GALNT7: variants seen among roughly 807,000 people sequenced by gnomAD.
The protein encoded by GALNT7 is N-acetylgalactosaminyltransferase 7.
A neutral mutation model predicts 82.1 loss-of-function variants in GALNT7; 60 were observed. That is an observed-to-expected ratio of 0.73 (90% CI 0.59 to 0.91). The LOEUF (loss-of-function observed/expected upper bound fraction) is 0.91. Ranked by LOEUF, GALNT7 falls within the 40% of genes least tolerant of loss-of-function variation. The pLI, the probability that GALNT7 is intolerant of heterozygous loss-of-function variation, is 0.00. For synonymous variants in GALNT7, 243 were observed against 275.1 expected, an observed-to-expected ratio of 0.88 and a Z score of 1.15; for missense variants, 660 against 804.2, an observed-to-expected ratio of 0.82 and a Z score of 2.17.
chr4:173,245,245 G>A (rs915940117), intron 1 of GALNT7, among the ~76,000 whole-genome samples: 2 of 149,278 alleles, frequency 1.3e-5, no homozygotes, highest in Non-Finnish European at 3.0e-5. Flanking sequence ...AACTTTTGGA[G>A]GAAAATAAAC....
At chr4:173,237,847 AAG>A (rs1165212139) in intron 1 of GALNT7, among the ~76,000 whole-genome samples, 1 of 152,132 alleles carries the variant, frequency 6.6e-6, no homozygotes, top group Non-Finnish European at 1.5e-5. Flanking sequence ...GCATCGAGAA[AAG>A]AGAGAGTCTT....
At chr4:173,214,438 A>G (rs866054387) in intron 1 of GALNT7, among the ~76,000 whole-genome samples, 7 of 152,148 alleles carry the variant, frequency 4.6e-5, no homozygotes, top group African/African-American at 1.2e-4. Context: ...CAGACCCCTT[A>G]TCTCTAACTA....
In GALNT7 at chr4:173,276,850, A is replaced by G. The variant is rs901380606; in HGVS notation, c.588-15258A>G. Among the ~76,000 whole-genome samples the G allele has an allele frequency of 2.0e-5, 3 of 152,148 alleles. No homozygotes were observed. In the East Asian group the frequency reaches 5.8e-4, roughly 29 times the overall value. On this transcript the variant is annotated intron_variant, in intron 2 of 11. Coordinates refer to ENST00000265000, the MANE Select transcript of GALNT7 (RefSeq NM_017423.3). The stretch of plus-strand genomic sequence containing the variant: ...TCTCATTTCAAACAGTATTTTATGT[A>G]TCAGCTTCTTGTTTGGTGAGCATGT...
Position 173,302,669 on chromosome 4 carries a change from C to A in GALNT7, c.1266+505C>A, listed in dbSNP as rs553980627. Among the ~76,000 whole-genome samples, 4 of 152,246 alleles carry A rather than the reference C, an allele frequency of 2.6e-5. No individual in the cohort carries two copies. The South Asian group carries it at 6.2e-4, about 24-fold the overall frequency. On this transcript the variant is annotated intron_variant, in intron 7 of 11. Transcript: ENST00000265000. This position sits in a 1 kb window ranked among gnomAD's most constrained non-coding sequence, Gnocchi z 4.2. The stretch of plus-strand genomic sequence containing the variant: ...AGCAATACTATCTTCCATGCTCCAG[C>A]CCCCACCTCAACCCCTATTCCTACC...
Position 173,323,770 on chromosome 4 carries a change from T to A in GALNT7, c.*2053T>A, listed in dbSNP as rs1737907490. On this transcript the variant is annotated 3_prime_UTR_variant, in exon 12 of 12. Coordinates refer to ENST00000265000, the MANE Select transcript of GALNT7 (RefSeq NM_017423.3). ...AAATAATTCCCATATCCTTGCTTTG[T>A]AAGTTGGTAATATCACTATGCATTT... The A allele has an allele frequency of 6.6e-6, 1 of 152,626 alleles. No individual in the cohort carries two copies. The highest frequency in any genetic ancestry group is 2.4e-5 in the African/African-American group (1 of 41,466). The allele number at this position is 152,626 out of a possible 1,614,324, so 9.5% of individuals were successfully genotyped here. A position where few individuals can be genotyped will look rare whatever the true frequency, so the allele number is the denominator to read the frequency against.
chr4:173,212,318 C>A (rs944695490), intron 1 of GALNT7, among the ~76,000 whole-genome samples: 1 of 152,036 alleles, frequency 6.6e-6, no homozygotes, highest in Non-Finnish European at 1.5e-5. Context: ...CTTAAGTCTA[C>A]AAAAGTCACA....
chr4:173,215,420 G>A (rs189525029), intron 1 of GALNT7, among the ~76,000 whole-genome samples: 9 of 151,978 alleles, frequency 5.9e-5, no homozygotes, highest in Admixed American at 3.9e-4. Context: ...TAGTAGAGAC[G>A]GGGGTTCACC....
At chr4:173,184,562 C>G (rs997100243) in intron 1 of GALNT7, among the ~76,000 whole-genome samples, 1 of 137,428 alleles carries the variant, frequency 7.3e-6, no homozygotes, top group East Asian at 2.5e-4. Context: ...AGTCCAGCCT[C>G]GGCTCGGCAT....
chr4:173,184,524 T>C (rs2126633622), intron 1 of GALNT7, among the ~76,000 whole-genome samples: 1 of 150,168 alleles, frequency 6.7e-6, no homozygotes, highest in East Asian at 2.0e-4. Flanking sequence ...GGCAGGGAGA[T>C]TGCAGTGGGT....
At chr4:173,311,933 G>T (rs1477234691) in intron 8 of GALNT7, among the ~76,000 whole-genome samples, 2 of 152,228 alleles carry the variant, frequency 1.3e-5, no homozygotes, top group East Asian at 1.9e-4. Context: ...TGAACACTAG[G>T]TATTTCTTTT....
At position 173,321,766 on chromosome 4, in the gene GALNT7, C is replaced by T. The variant is rs1213218702; in HGVS notation, c.*49C>T. On this transcript the variant is annotated 3_prime_UTR_variant, in exon 12 of 12. Coordinates refer to ENST00000265000, the MANE Select transcript of GALNT7 (RefSeq NM_017423.3). The stretch of plus-strand genomic sequence containing the variant: ...CTACCTACTGACAAGTAAATTTATA[C>T]AGGACTGAAAACCGCCTGAAACCTG... The T allele has an allele frequency of 6.4e-6, 9 of 1,408,374 alleles. No individual in the cohort carries two copies. The highest frequency in any genetic ancestry group is 8.0e-6 in the Non-Finnish European group (8 of 1,000,700). 87.2% of individuals were successfully genotyped at this position (1,408,374 alleles called of 1,614,324 possible).
intron 1 of GALNT7, among the ~76,000 whole-genome samples, chr4:173,195,474 T>A (rs1732747685): frequency 6.6e-6 from 1 of 152,178 alleles, no homozygotes; most frequent in African/African-American, 2.4e-5. Flanking sequence ...AACCTGACTG[T>A]GTAATTTCTC....
intron 1 of GALNT7, among the ~76,000 whole-genome samples, chr4:173,170,517 A>G (rs1731827061): frequency 6.6e-6 from 1 of 152,212 alleles, no homozygotes. Context: ...CCTTTGTAAT[A>G]TCTGGGATAG....
intron 1 of GALNT7, among the ~76,000 whole-genome samples, chr4:173,179,217 A>C (rs1278603392): frequency 6.6e-6 from 1 of 152,378 alleles, no homozygotes; most frequent in Admixed American, 6.5e-5. Flanking sequence ...TATCTTAAAT[A>C]GGCAGTAACT....
At chr4:173,255,580 TGACA>T (rs1735008248) in intron 2 of GALNT7, among the ~76,000 whole-genome samples, 1 of 152,042 alleles carries the variant, frequency 6.6e-6, no homozygotes, top group African/African-American at 2.4e-5. Flanking sequence ...CCCACCCCAG[TGACA>T]GACAATTTCA....
chr4:173,197,063 CTTTTTT>C (rs5864189), intron 1 of GALNT7, among the ~76,000 whole-genome samples: 15 of 117,954 alleles, frequency 1.3e-4, no homozygotes, highest in African/African-American at 2.9e-4. Flanking sequence ...CTCTCTCTCC[CTTTTTT>C]TTTTTTTTTT....
chr4:173,303,046 T>C (rs1737006543), intron 7 of GALNT7, among the ~76,000 whole-genome samples: 1 of 151,918 alleles, frequency 6.6e-6, no homozygotes. Context: ...ATACAAAAAA[T>C]TAGCCGGGTG....
At chr4:173,256,887 C>G (rs944738608) in intron 2 of GALNT7, among the ~76,000 whole-genome samples, 9 of 152,184 alleles carry the variant, frequency 5.9e-5, no homozygotes, top group Admixed American at 2.6e-4. Flanking sequence ...TCCCCTACCT[C>G]TCCATTTATT....
At chr4:173,169,053 G>A (rs1247269397) in intron 1 of GALNT7, 92 bp downstream of exon 1, 2 of 1,302,446 alleles carry the variant, frequency 1.5e-6, no homozygotes, top group East Asian at 4.9e-5. Flanking sequence ...GCGGGGTCGC[G>A]GCACGGCGTG....
Sources: allele counts gnomAD v4.1 joint callset (sites outside exome capture counted in the v4.1 genomes callset), GRCh38; gene constraint gnomAD v4.1.1; non-coding constraint Gnocchi (gnomAD v3.1); transcripts MANE v1.5; gene names NCBI Gene and HGNC (gene_info 2026-07-23, HGNC 2026-07-21).